Variants in YAP1 observed in about 807,000 individuals in gnomAD.
YAP1 encodes Yes1 associated transcriptional regulator.
Under a neutral mutation model 56.9 loss-of-function variants are expected in YAP1, and 5 were observed. That is an observed-to-expected ratio of 0.09 (90% CI 0.05 to 0.18). YAP1 has a LOEUF of 0.18. YAP1 is among the 10% of genes least tolerant of loss of function. The pLI, the probability that YAP1 is intolerant of heterozygous loss-of-function variation, is 1.00. For synonymous variants in YAP1, 265 were observed against 248.1 expected, an observed-to-expected ratio of 1.07 and a Z score of -0.64; for missense variants, 539 against 651.8, an observed-to-expected ratio of 0.83 and a Z score of 1.88.
chr11:102,123,042 A>G (rs772509110), intron 2 of YAP1, among the ~76,000 whole-genome samples: 2 of 151,946 alleles, frequency 1.3e-5, no homozygotes, highest in Non-Finnish European at 2.9e-5. Flanking sequence ...TTCCATATTT[A>G]TAAAATGTGT....
intron 2 of YAP1, among the ~76,000 whole-genome samples, chr11:102,121,698 C>T (rs1205866107): frequency 6.6e-6 from 1 of 152,210 alleles, no homozygotes; most frequent in Non-Finnish European, 1.5e-5. Context: ...CTGTTTCAAG[C>T]ATCCACTGTG....
At chr11:102,151,714 G>A (rs886513038) in intron 2 of YAP1, among the ~76,000 whole-genome samples, 2 of 152,186 alleles carry the variant, frequency 1.3e-5, no homozygotes, top group African/African-American at 4.8e-5. Context: ...CTGTAGCTCA[G>A]ATAATATTGT....
rs1047799321 is a variant in YAP1 at position 102,231,240 on chromosome 11, A to G, written c.*1300A>G. 6.6e-5 allele frequency: 10 copies of G among 152,248 alleles called. No homozygotes were observed. The highest frequency in any genetic ancestry group is 2.4e-4 in the African/African-American group (10 of 41,460). 9.4% of individuals were successfully genotyped at this position (152,248 alleles called of 1,614,324 possible). A position where few individuals can be genotyped will look rare whatever the true frequency, so the allele number is the denominator to read the frequency against. ...TTCAGTGAGTAGGTTCATAATGTGC[A>G]TGACAGAAATAAGCTTTATAGTGGT... On this transcript the variant is annotated 3_prime_UTR_variant, in exon 9 of 9. Transcript: ENST00000282441.
chr11:102,225,500 C>T (rs1201924318), intron 7 of YAP1, among the ~76,000 whole-genome samples: 1 of 152,090 alleles, frequency 6.6e-6, no homozygotes, highest in Admixed American at 6.6e-5. Context: ...AACAAAAAGA[C>T]AAACAAAAAA....
At chr11:102,119,709 T>C (rs1366039069) in intron 2 of YAP1, among the ~76,000 whole-genome samples, 3 of 152,066 alleles carry the variant, frequency 2.0e-5, no homozygotes, top group African/African-American at 7.2e-5. Flanking sequence ...GAGAAATATT[T>C]TACTTTGTAG....
intron 3 of YAP1, among the ~76,000 whole-genome samples, chr11:102,172,871 G>C (rs775415357): frequency 1.3e-5 from 2 of 152,134 alleles, no homozygotes; most frequent in Non-Finnish European, 2.9e-5. Flanking sequence ...ATCTGGGGAA[G>C]GGAGAGAATG....
Position 102,231,648 on chromosome 11 carries a change from T to A in YAP1, c.*1708T>A, listed in dbSNP as rs1950436954. 6.6e-6 allele frequency: 1 copy of A among 152,636 alleles called. No individual in the cohort carries two copies. Among genetic ancestry groups the A allele is most frequent in the Non-Finnish European group, 1.5e-5 (1 of 68,026 alleles). 9.5% of individuals were successfully genotyped at this position (152,636 alleles called of 1,614,324 possible). ...GAACAAAACGAGCATGAATTAACTC[T>A]TCAATATAAGCTATGAAGTAATAGT... is the stretch of plus-strand genomic sequence containing the variant. On this transcript the variant is annotated 3_prime_UTR_variant, in exon 9 of 9. Transcript: ENST00000282441.
chr11:102,170,514 T>A (rs1368289474), intron 3 of YAP1, among the ~76,000 whole-genome samples: 1 of 152,144 alleles, frequency 6.6e-6, no homozygotes, highest in Admixed American at 6.5e-5. Context: ...ACTTTAGAGA[T>A]TATCTTCTAA....
At chr11:102,122,955 G>A (rs1254959964) in intron 2 of YAP1, among the ~76,000 whole-genome samples, 2 of 145,306 alleles carry the variant, frequency 1.4e-5, no homozygotes, top group Non-Finnish European at 3.0e-5. Flanking sequence ...CTTTATCTCT[G>A]GCTTGCAGCT....
At chr11:102,154,375 A>G (rs1945827638) in intron 2 of YAP1, among the ~76,000 whole-genome samples, 1 of 152,136 alleles carries the variant, frequency 6.6e-6, no homozygotes, top group Admixed American at 6.6e-5. Context: ...TGTATTTGTA[A>G]TTTGGTATTG....
chr11:102,181,623 C>T lies in YAP1; in HGVS notation c.689-4395C>T, dbSNP rs145512283. ...TAAATAAATAAAATTTAAAAAAAAA[C>T]GTACTGCCCTTGTGGTGCCTGTTTT... On this transcript the variant is annotated intron_variant, in intron 3 of 8. Transcript: ENST00000282441. Among the ~76,000 whole-genome samples, 726 of 151,824 alleles carry T rather than the reference C, an allele frequency of 4.8e-3. 7 individuals are homozygous for T. The highest frequency in any genetic ancestry group is 0.016 in the African/African-American group (678 of 41,420).
chr11:102,168,713 T>C (rs1183876405), intron 3 of YAP1, among the ~76,000 whole-genome samples: 1 of 152,094 alleles, frequency 6.6e-6, no homozygotes, highest in African/African-American at 2.4e-5. Context: ...GCAAGCAAAG[T>C]GAGTAGTATA....
chr11:102,223,242 G>A (rs539997098), intron 6 of YAP1, among the ~76,000 whole-genome samples: 4 of 139,200 alleles, frequency 2.9e-5, no homozygotes, highest in Non-Finnish European at 4.6e-5. Flanking sequence ...GTGAGACTCC[G>A]TCTTGAAGAA....
At chr11:102,112,722 C>A (rs1051258009) in intron 1 of YAP1, 3 of 985,362 alleles carry the variant, frequency 3.0e-6, no homozygotes, top group Non-Finnish European at 2.4e-6. Flanking sequence ...TAGCTGCTTG[C>A]CTAAACACTT....
At chr11:102,199,921 T>C (rs1948764397) in intron 4 of YAP1, among the ~76,000 whole-genome samples, 1 of 152,218 alleles carries the variant, frequency 6.6e-6, no homozygotes, top group African/African-American at 2.4e-5. Context: ...TTGTCTAGAA[T>C]CAATATTATG....
At chr11:102,208,652 A>G (rs75472842) in intron 5 of YAP1, among the ~76,000 whole-genome samples, 2 of 152,176 alleles carry the variant, frequency 1.3e-5, no homozygotes, top group African/African-American at 4.8e-5. Flanking sequence ...CAGTTTTAAA[A>G]TATGTTTTAT....
intron 8 of YAP1, 106 bp from the exon 9 acceptor site, chr11:102,229,596 G>T: frequency 2.0e-6 from 2 of 1,006,408 alleles, no homozygotes; most frequent in Non-Finnish European, 3.0e-6. Flanking sequence ...GTTTAGGTCA[G>T]TCAGGAGCGC....
chr11:102,163,912 T>C (rs2135407768), intron 3 of YAP1, among the ~76,000 whole-genome samples: 1 of 152,336 alleles, frequency 6.6e-6, no homozygotes, highest in South Asian at 2.1e-4. Context: ...GCAACATTTG[T>C]GATTGGGCTT....
intron 4 of YAP1, among the ~76,000 whole-genome samples, chr11:102,204,742 T>C (rs569748564): frequency 6.6e-6 from 1 of 152,346 alleles, no homozygotes; most frequent in South Asian, 2.1e-4. Context: ...AAGGTTTATA[T>C]GAGAGATTGG....
Sources: allele counts gnomAD v4.1 joint callset (sites outside exome capture counted in the v4.1 genomes callset), GRCh38; gene constraint gnomAD v4.1.1; transcripts MANE v1.5; gene names NCBI Gene and HGNC (gene_info 2026-07-23, HGNC 2026-07-21).